The following COL28A1 variants were observed in gnomAD, a reference collection of about 807,000 sequenced individuals.
COL28A1 encodes collagen type XXVIII alpha 1 chain.
In COL28A1, 161 loss-of-function variants were observed where a neutral mutation model predicts 150.2. The ratio of observed to expected loss-of-function variants is 1.07; its 90% CI spans 0.94 to 1.22. The LOEUF (loss-of-function observed/expected upper bound fraction) is 1.22. COL28A1 is among the 50% of genes most tolerant of loss of function. The pLI is 0.00. For missense variants in COL28A1, 1,617 were observed against 1,388.3 expected (o/e 1.16, Z -2.62); for synonymous variants, 552 against 469.7 (o/e 1.18, Z -2.26).
At chr7:7,527,595 T>C (rs755760308) in intron 3 of COL28A1, among the ~76,000 whole-genome samples, 1 of 152,036 alleles carries the variant, frequency 6.6e-6, no homozygotes. Context: ...AGGAGAACAG[T>C]GTCAAAGCCT....
chr7:7,370,371 G>A (rs750307761), intron 33 of COL28A1, among the ~76,000 whole-genome samples: 30 of 151,988 alleles, frequency 2.0e-4, no homozygotes, highest in Non-Finnish European at 4.0e-4. Flanking sequence ...GAGAGTTGTG[G>A]CCTGGTATGA....
chr7:7,517,953 C>A, intron 6 of COL28A1, 116 bp from the exon 7 acceptor site: 2 of 1,165,202 alleles, frequency 1.7e-6, no homozygotes, highest in Non-Finnish European at 1.2e-6. Context: ...CATCTTTAGT[C>A]TTTCCCGTTG....
In COL28A1 at chr7:7,437,390, A is replaced by G. The variant is rs1156492491; in HGVS notation, c.1791+4T>C. ...AAAAGAAAATAATCTCCAAGAATATATACCTTTGGCCCAGGTGGTCCAGGA... is the reference window on the plus strand; with the variant it reads ...AAAAGAAAATAATCTCCAAGAATATGTACCTTTGGCCCAGGTGGTCCAGGA... On this transcript the variant is annotated splice_donor_region_variant and intron_variant, in intron 22 of 34. Transcript: ENST00000399429. 6.2e-7 allele frequency: 1 copy of G among 1,611,864 alleles called. No individual in the cohort carries two copies. Among genetic ancestry groups the G allele is most frequent in the Admixed American group, 1.7e-5 (1 of 59,612 alleles).
chr7:7,453,478 G>T lies in COL28A1; in HGVS notation c.1402C>A (p.Pro468Thr), dbSNP rs755379286. The change falls in exon 17 of 35, where the codon CCA becomes ACA. Residue 468 changes from proline to threonine, a missense_variant. Physicochemically the swap from Pro to Thr is conservative, Grantham distance 38 (BLOSUM62 -1). Coordinates refer to ENST00000399429, the MANE Select transcript of COL28A1 (RefSeq NM_001037763.3). The stretch of plus-strand genomic sequence containing the variant: ...AAGCCCTGTCCTGCGGGCCCTTGTG[G>T]ACCAGGTGGACCAATAGGACCTTGG... ...GIQGPIGPPG[P>T]QGPAGQGLPG... is the part of the protein sequence containing the mutation. 2.4e-6 allele frequency: 3 copies of T among 1,258,560 alleles called. No individual in the cohort carries two copies. Among genetic ancestry groups the T allele is most frequent in the Non-Finnish European group, 2.3e-6 (2 of 860,150 alleles). The allele number at this position is 1,258,560 out of a possible 1,614,324, so 78.0% of individuals were successfully genotyped here.
At chr7:7,417,830 G>C (rs772414651) in intron 27 of COL28A1, 29 bp downstream of exon 27, 5 of 1,588,296 alleles carry the variant, frequency 3.1e-6, no homozygotes, top group Middle Eastern at 1.7e-4. Context: ...GAAATCAGAG[G>C]TGACTCCAGC....
chr7:7,393,708 G>A (rs893628207), intron 27 of COL28A1, among the ~76,000 whole-genome samples: 3 of 152,200 alleles, frequency 2.0e-5, no homozygotes, highest in Non-Finnish European at 4.4e-5. Context: ...GAGCTGTGGA[G>A]GATTCCACCC....
intron 30 of COL28A1, among the ~76,000 whole-genome samples, chr7:7,376,800 T>C (rs1421772339): frequency 6.6e-6 from 1 of 152,182 alleles, no homozygotes; most frequent in Non-Finnish European, 1.5e-5. Flanking sequence ...TTATTAAGGA[T>C]TCTGAAAAAC....
At chr7:7,389,768 G>T (rs1250177237) in intron 27 of COL28A1, among the ~76,000 whole-genome samples, 6 of 152,136 alleles carry the variant, frequency 3.9e-5, no homozygotes, top group African/African-American at 9.7e-5. Context: ...AATTGTGAAT[G>T]GGAGTTCACT....
chr7:7,407,035 TA>T (rs1783527655), intron 27 of COL28A1, among the ~76,000 whole-genome samples: 1 of 151,818 alleles, frequency 6.6e-6, no homozygotes, highest in African/African-American at 2.4e-5. Flanking sequence ...TAACTGAAAC[TA>T]AAAACTCAAT....
At chr7:7,395,771 C>T (rs186488302) in intron 27 of COL28A1, among the ~76,000 whole-genome samples, 4 of 152,210 alleles carry the variant, frequency 2.6e-5, no homozygotes, top group African/African-American at 9.6e-5. Flanking sequence ...TCATGGCCCC[C>T]AAAACATCCC....
chr7:7,434,706 A>G (rs968699338), intron 23 of COL28A1, among the ~76,000 whole-genome samples: 5 of 152,172 alleles, frequency 3.3e-5, no homozygotes, highest in Non-Finnish European at 7.3e-5. Flanking sequence ...TGTTACTTCT[A>G]TTATTAACAG....
chr7:7,410,038 T>A (rs905064329), intron 27 of COL28A1, among the ~76,000 whole-genome samples: 1 of 152,206 alleles, frequency 6.6e-6, no homozygotes, highest in African/African-American at 2.4e-5. Context: ...AATTATTTTT[T>A]AAAAATTATC....
chr7:7,380,329 C>G (rs1781801915), intron 30 of COL28A1, among the ~76,000 whole-genome samples: 1 of 152,152 alleles, frequency 6.6e-6, no homozygotes, highest in African/African-American at 2.4e-5. Flanking sequence ...AGACGAACCA[C>G]ATAAATTAAA....
chr7:7,477,292 C>CAA (rs138237119), intron 13 of COL28A1, 112 bp from the exon 14 acceptor site: 8 of 633,036 alleles, frequency 1.3e-5, no homozygotes, highest in South Asian at 3.8e-5. Flanking sequence ...GTTTACATGC[C>CAA]AAAAAAAAAT....
chr7:7,352,998 G>C (rs189419223), downstream of COL28A1, among the ~76,000 whole-genome samples: 2 of 152,166 alleles, frequency 1.3e-5, no homozygotes, highest in African/African-American at 4.8e-5. Context: ...GCCTGGGGCT[G>C]AGTCACTGTA....
At chr7:7,386,777 A>G (rs926908849) in intron 27 of COL28A1, among the ~76,000 whole-genome samples, 2 of 152,164 alleles carry the variant, frequency 1.3e-5, no homozygotes, top group East Asian at 3.9e-4. Flanking sequence ...TAGCCTGGGA[A>G]GGGAAGCACA....
intron 27 of COL28A1, among the ~76,000 whole-genome samples, chr7:7,411,757 C>T (rs1182149712): frequency 6.6e-6 from 1 of 152,168 alleles, no homozygotes; most frequent in East Asian, 1.9e-4. Context: ...ATGAGTAATA[C>T]TGATGCTGTT....
intron 11 of COL28A1, among the ~76,000 whole-genome samples, chr7:7,495,341 G>T (rs1780149395): frequency 6.6e-6 from 1 of 152,110 alleles, no homozygotes; most frequent in African/African-American, 2.4e-5. Flanking sequence ...ACCTTATTGG[G>T]CACTGCGGTT....
At chr7:7,471,141 A>G (rs533053298) in intron 15 of COL28A1, among the ~76,000 whole-genome samples, 10,796 of 147,372 alleles carry the variant, frequency 0.073, 439 homozygotes, top group Middle Eastern at 0.14. Context: ...AAAAAAAAAA[A>G]AAAGAAAAGA....
Sources: gnomAD v4.1 joint callset for allele counts (sites outside exome capture counted in the v4.1 genomes callset) on GRCh38, gnomAD v4.1.1 for gene constraint, MANE v1.5 for transcripts, NCBI Gene and HGNC (gene_info 2026-07-23, HGNC 2026-07-21) for gene names.